Variants in ZNF398 observed in about 807,000 individuals in gnomAD.
The protein encoded by ZNF398 is zinc finger DNA binding protein ZER6.
Under a neutral mutation model 41.9 loss-of-function variants are expected in ZNF398, and 18 were observed. That is an observed-to-expected ratio of 0.43 (90% CI 0.30 to 0.64). The LOEUF (loss-of-function observed/expected upper bound fraction) is 0.64. Ranked by LOEUF, ZNF398 falls within the 30% of genes least tolerant of loss-of-function variation. The pLI is 0.14. For missense variants in ZNF398, 669 were observed against 822.8 expected, an observed-to-expected ratio of 0.81 and a Z score of 2.29; for synonymous variants, 260 against 308.8, an observed-to-expected ratio of 0.84 and a Z score of 1.66.
intron 2 of ZNF398, among the ~76,000 whole-genome samples, chr7:149,135,587 C>G (rs1472979626): frequency 6.6e-6 from 1 of 151,788 alleles, no homozygotes; most frequent in Non-Finnish European, 1.5e-5. Flanking sequence ...ATGGATGCAC[C>G]AAATCCCAGA....
At position 149,153,685 on chromosome 7, in the gene ZNF398, G is replaced by A. The variant is rs566993795; in HGVS notation, c.25-260G>A. Among the ~76,000 whole-genome samples the A allele has an allele frequency of 5.5e-4, 84 of 152,242 alleles. 1 individual carries two copies. The highest frequency in any genetic ancestry group is 2.8e-3 in the Admixed American group (43 of 15,276). ...AGCAACCTAAGCTGGGCCTTATAGC[G>A]GAGGAAATATACCAGACTAGTTCAA... On this transcript the variant is annotated intron_variant, in intron 1 of 5. Coordinates refer to ENST00000475153, the MANE Select transcript of ZNF398 (RefSeq NM_170686.3).
chr7:149,178,620 G>T, intron 5 of ZNF398, 28 bp from the exon 6 acceptor site: 1 of 1,578,884 alleles, frequency 6.3e-7, no homozygotes, highest in Non-Finnish European at 8.6e-7. Context: ...GTTATTGATG[G>T]GTATAACTCT....
At position 149,178,754 on chromosome 7, in the gene ZNF398, A is replaced by T. The variant is rs777463355; in HGVS notation, c.882A>T (p.Ser294=). The T allele has an allele frequency of 6.2e-7, 1 of 1,614,194 alleles. No homozygotes were observed. The highest frequency in any genetic ancestry group is 8.5e-7 in the Non-Finnish European group (1 of 1,180,026). Residue 294 remains serine (S), a synonymous_variant, in exon 6 of 6, where the codon TCA becomes TCT. Coordinates refer to ENST00000475153, the MANE Select transcript of ZNF398 (RefSeq NM_170686.3). ...SPPAAAKDAF[S]DVAFKSQQST... is the part of the protein sequence containing the mutation. ...CAGCAGCAGCAAAGGATGCTTTTTC[A>T]GATGTGGCTTTCAAAAGCCAGCAGT...
chr7:149,139,518 C>T (rs1192362480), intron 2 of ZNF398, among the ~76,000 whole-genome samples: 2 of 150,850 alleles, frequency 1.3e-5, no homozygotes, highest in Admixed American at 6.6e-5. Context: ...GTCAGGAGTT[C>T]GAGACCATCC....
At chr7:149,146,760 G>A (rs941243246), upstream of ZNF398, among the ~76,000 whole-genome samples, 4 of 151,944 alleles carry the variant, frequency 2.6e-5, no homozygotes, top group African/African-American at 9.7e-5. Flanking sequence ...AAAGGCAGGA[G>A]AATCGGTTGA....
upstream of ZNF398, among the ~76,000 whole-genome samples, chr7:149,146,563 A>G (rs1352001089): frequency 1.3e-5 from 2 of 151,668 alleles, no homozygotes; most frequent in East Asian, 3.9e-4. Context: ...AAATCAATAA[A>G]TAAGGCCGGG....
At chr7:149,144,892 C>T (rs1039843755), upstream of ZNF398, among the ~76,000 whole-genome samples, 22 of 151,974 alleles carry the variant, frequency 1.4e-4, no homozygotes, top group African/African-American at 4.3e-4. Flanking sequence ...CCCGGCTTCT[C>T]GGCTACTACA....
chr7:149,132,871 C>T (rs575463897), intron 2 of ZNF398, among the ~76,000 whole-genome samples: 7 of 152,220 alleles, frequency 4.6e-5, no homozygotes, highest in South Asian at 4.1e-4. Context: ...TGCAAGCTTC[C>T]GCTTGCTTGT....
In ZNF398 at chr7:149,147,678, C is replaced by T. The variant is rs1826985117; in HGVS notation, c.-65C>T. On this transcript the variant is annotated 5_prime_UTR_variant, in exon 1 of 6. Transcript: ENST00000475153. The surrounding 1 kb of genome is among the most constrained non-coding windows in gnomAD (Gnocchi z 5.6). ...CCCGGCGGCCGGGCCTGCTTGGAGCCGGGCGCGGTGGCAGCGGCGGCAGCG... is the reference window on the plus strand; with the variant it reads ...CCCGGCGGCCGGGCCTGCTTGGAGCTGGGCGCGGTGGCAGCGGCGGCAGCG... The T allele has an allele frequency of 3.1e-6, 4 of 1,271,122 alleles. No individual in the cohort carries two copies. The highest frequency in any genetic ancestry group is 4.0e-6 in the Non-Finnish European group (4 of 1,011,298). 78.7% of individuals were successfully genotyped at this position (1,271,122 alleles called of 1,614,324 possible).
At chr7:149,144,959 AT>A (rs1185720703), upstream of ZNF398, among the ~76,000 whole-genome samples, 2 of 152,094 alleles carry the variant, frequency 1.3e-5, no homozygotes, top group Non-Finnish European at 2.9e-5. Context: ...TCAGATTATT[AT>A]TTTTTTGTAA....
intron 4 of ZNF398, among the ~76,000 whole-genome samples, chr7:149,170,607 C>T (rs1340720658): frequency 6.6e-6 from 1 of 151,848 alleles, no homozygotes; most frequent in Non-Finnish European, 1.5e-5. Context: ...TGGTGGTGGG[C>T]GCCTGTAGTC....
chr7:149,167,634 CTTTTT>C (rs1163487497), intron 4 of ZNF398, among the ~76,000 whole-genome samples: 2 of 133,972 alleles, frequency 1.5e-5, no homozygotes, highest in Non-Finnish European at 3.2e-5. Context: ...TTTTTCTTTT[CTTTTT>C]TTTTTTTTTT....
intron 5 of ZNF398, among the ~76,000 whole-genome samples, 179 bp downstream of exon 5, chr7:149,176,760 T>G (rs1409063708): frequency 6.6e-6 from 1 of 151,932 alleles, no homozygotes; most frequent in Admixed American, 6.6e-5. Flanking sequence ...TTGAAGTGAG[T>G]GAGAAAATAC....
intron 2 of ZNF398, among the ~76,000 whole-genome samples, chr7:149,156,289 G>C (rs995436814): frequency 1.3e-5 from 2 of 150,978 alleles, no homozygotes; most frequent in African/African-American, 4.9e-5. Flanking sequence ...GGCGGATCAT[G>C]AGGTCAGGAG....
At chr7:149,168,277 C>A (rs1036865218) in intron 4 of ZNF398, among the ~76,000 whole-genome samples, 9 of 151,910 alleles carry the variant, frequency 5.9e-5, no homozygotes, top group African/African-American at 2.2e-4. Flanking sequence ...AGGGTTTCAG[C>A]ATGTTGGCCA....
At chr7:149,145,561 T>A (rs1256131233), upstream of ZNF398, among the ~76,000 whole-genome samples, 1 of 152,184 alleles carries the variant, frequency 6.6e-6, no homozygotes, top group Non-Finnish European at 1.5e-5. Context: ...CTTAAGATGT[T>A]TTTCAGACCA....
At chr7:149,159,973 T>G (rs1279652224) in intron 2 of ZNF398, among the ~76,000 whole-genome samples, 4 of 151,970 alleles carry the variant, frequency 2.6e-5, no homozygotes, top group Non-Finnish European at 5.9e-5. Flanking sequence ...TGATCCTTCT[T>G]CCTCAGCCTC....
intron 2 of ZNF398, among the ~76,000 whole-genome samples, chr7:149,158,068 C>T (rs908986131): frequency 6.6e-6 from 1 of 151,718 alleles, no homozygotes; most frequent in Non-Finnish European, 1.5e-5. Context: ...GGCAACAGAG[C>T]AAGACTCCGT....
chr7:149,161,227 C>A (rs1795099800), intron 2 of ZNF398, among the ~76,000 whole-genome samples: 1 of 152,096 alleles, frequency 6.6e-6, no homozygotes, highest in African/African-American at 2.4e-5. Context: ...GGGCTGACAA[C>A]CTGACTTCCA....
Sources: gnomAD v4.1 joint callset for allele counts (sites outside exome capture counted in the v4.1 genomes callset) on GRCh38, gnomAD v4.1.1 for gene constraint, Gnocchi (gnomAD v3.1) non-coding constraint, MANE v1.5 for transcripts, NCBI Gene and HGNC (gene_info 2026-07-23, HGNC 2026-07-21) for gene names.